The following NKAIN3 variants were observed in gnomAD, a reference collection of about 807,000 sequenced individuals.
NKAIN3 encodes sodium/potassium transporting ATPase interacting 3, also known as sodium/potassium-transporting ATPase subunit beta-1-interacting protein 3.
NKAIN3 carries 25 observed loss-of-function variants against 30.2 expected under a neutral mutation model. That is an observed-to-expected ratio of 0.83 (90% CI 0.60 to 1.16). The LOEUF (loss-of-function observed/expected upper bound fraction) is 1.16, where lower values mean the gene tolerates loss of function less well. Among genes scored for constraint, NKAIN3 ranks in the 50% most tolerant of loss-of-function variants. NKAIN3 has a pLI of 0.00. For missense variants in NKAIN3, 225 were observed against 254.1 expected, an observed-to-expected ratio of 0.89 and a Z score of 0.78; for synonymous variants, 91 against 89.6, an observed-to-expected ratio of 1.02 and a Z score of -0.09.
chr8:62,808,172 G>A (rs1818365906), intron 4 of NKAIN3, among the ~76,000 whole-genome samples: 1 of 152,076 alleles, frequency 6.6e-6, no homozygotes, highest in African/African-American at 2.4e-5. Flanking sequence ...TTACTTTGAT[G>A]TGTCCACGTG....
At chr8:62,366,382 G>A (rs1201777751) in intron 1 of NKAIN3, among the ~76,000 whole-genome samples, 2 of 151,804 alleles carry the variant, frequency 1.3e-5, no homozygotes, top group African/African-American at 4.8e-5. Context: ...ATGCACCACT[G>A]TAGTTGATTA....
chr8:62,579,589 G>A lies in NKAIN3; in HGVS notation c.105G>A (p.Ala35=), dbSNP rs372067746. 6.1e-5 allele frequency: 98 copies of A among 1,610,256 alleles called. 1 individual carries two copies. The highest frequency in any genetic ancestry group is 1.6e-4 in the African/African-American group (12 of 74,732). ...QIFDFLGFQW[A]PILGNFLHII... ...TTGACTTCCTTGGTTTCCAGTGGGC[G>A]CCTATTCTTGGAAATTTTCTACACA... The change falls in exon 2 of 7, where the codon GCG becomes GCA. Residue 35 remains alanine (A), a synonymous_variant. Transcript: ENST00000623646.
At chr8:62,605,245 G>A (rs1811089000) in intron 3 of NKAIN3, among the ~76,000 whole-genome samples, 1 of 152,068 alleles carries the variant, frequency 6.6e-6, no homozygotes, top group Admixed American at 6.6e-5. Flanking sequence ...AGGTTCTAAT[G>A]TGACCTTGAG....
At chr8:62,595,256 C>A (rs1226981517) in intron 3 of NKAIN3, among the ~76,000 whole-genome samples, 1 of 151,806 alleles carries the variant, frequency 6.6e-6, no homozygotes, top group Non-Finnish European at 1.5e-5. Context: ...ATGTTAAACG[C>A]TTCTGATACA....
intron 1 of NKAIN3, among the ~76,000 whole-genome samples, chr8:62,303,192 C>A (rs1260608602): frequency 6.7e-6 from 1 of 150,346 alleles, no homozygotes; most frequent in Non-Finnish European, 1.5e-5. Flanking sequence ...GAATTGGTGA[C>A]AATTAAAATG....
At chr8:62,347,142 G>T (rs1254589362) in intron 1 of NKAIN3, among the ~76,000 whole-genome samples, 1 of 152,116 alleles carries the variant, frequency 6.6e-6, no homozygotes, top group African/African-American at 2.4e-5. Flanking sequence ...TAATGTGAAG[G>T]CATCTACTGT....
At chr8:62,802,333 T>G (rs1215462807) in intron 4 of NKAIN3, among the ~76,000 whole-genome samples, 1 of 152,022 alleles carries the variant, frequency 6.6e-6, no homozygotes, top group Admixed American at 6.6e-5. Flanking sequence ...TCACCAAAGT[T>G]GAAATGAAGG....
At chr8:62,625,291 G>A (rs1441253872) in intron 3 of NKAIN3, among the ~76,000 whole-genome samples, 3 of 152,080 alleles carry the variant, frequency 2.0e-5, no homozygotes, top group African/African-American at 7.2e-5. Flanking sequence ...TATCATAAGT[G>A]CTGTCTCATT....
intron 1 of NKAIN3, among the ~76,000 whole-genome samples, chr8:62,359,316 A>G (rs1816470181): frequency 6.6e-6 from 1 of 152,182 alleles, no homozygotes; most frequent in Non-Finnish European, 1.5e-5. Context: ...TGGTTTAGAA[A>G]CCATTGAGAC....
At chr8:62,555,752 A>AT (rs1439981547) in intron 1 of NKAIN3, among the ~76,000 whole-genome samples, 7 of 152,082 alleles carry the variant, frequency 4.6e-5, no homozygotes, top group African/African-American at 1.4e-4. Flanking sequence ...AGAAAGATAC[A>AT]TTTTTTAAAA....
At chr8:62,902,214 G>A (rs1172879213) in intron 4 of NKAIN3, among the ~76,000 whole-genome samples, 2 of 152,174 alleles carry the variant, frequency 1.3e-5, no homozygotes, top group African/African-American at 4.8e-5. Context: ...TATGCTTCCT[G>A]AAATACTGAG....
At chr8:62,423,147 A>G (rs1804697027) in intron 1 of NKAIN3, among the ~76,000 whole-genome samples, 1 of 152,086 alleles carries the variant, frequency 6.6e-6, no homozygotes, top group South Asian at 2.1e-4. Flanking sequence ...CTGGCCAGAA[A>G]AAGTCACACC....
At chr8:62,339,533 A>G (rs1332883940) in intron 1 of NKAIN3, among the ~76,000 whole-genome samples, 1 of 152,046 alleles carries the variant, frequency 6.6e-6, no homozygotes, top group Non-Finnish European at 1.5e-5. Context: ...TGTAAGTTAA[A>G]TTGAACATAG....
chr8:62,343,017 T>C (rs1229334125), intron 1 of NKAIN3, among the ~76,000 whole-genome samples: 1 of 152,104 alleles, frequency 6.6e-6, no homozygotes, highest in African/African-American at 2.4e-5. Context: ...GGATATTATT[T>C]TGGATTTCTA....
intron 1 of NKAIN3, among the ~76,000 whole-genome samples, chr8:62,566,906 A>G (rs1265748814): frequency 6.6e-6 from 1 of 152,116 alleles, no homozygotes; most frequent in East Asian, 1.9e-4. Flanking sequence ...AAAGAAAAGG[A>G]ACTTATTCAT....
chr8:62,853,498 G>A (rs1185719415), intron 4 of NKAIN3, among the ~76,000 whole-genome samples: 1 of 152,146 alleles, frequency 6.6e-6, no homozygotes, highest in Non-Finnish European at 1.5e-5. Flanking sequence ...GTGTACAAAG[G>A]TGTTTACAGT....
chr8:62,906,433 G>C lies in NKAIN3; in HGVS notation c.472-12020G>C, dbSNP rs556679172. On this transcript the variant is annotated intron_variant, in intron 4 of 6. Transcript: ENST00000623646. ...CTGTCTGCCTCCCATAGGCAGACTT[G>C]GTGAAGGATTTCAGAGAGTCATTTT... Among the ~76,000 whole-genome samples the C allele has an allele frequency of 2.0e-5, 3 of 152,294 alleles. No homozygotes were observed. In the East Asian group the frequency reaches 5.8e-4, roughly 29 times the overall value.
intron 4 of NKAIN3, among the ~76,000 whole-genome samples, chr8:62,908,970 A>G (rs561852640): frequency 6.6e-6 from 1 of 152,296 alleles, no homozygotes; most frequent in East Asian, 1.9e-4. Flanking sequence ...AAGCCCAGCA[A>G]TCCTCTCATT....
intron 1 of NKAIN3, among the ~76,000 whole-genome samples, chr8:62,527,490 C>T (rs994619323): frequency 4.6e-5 from 7 of 152,034 alleles, no homozygotes; most frequent in Non-Finnish European, 8.8e-5. Flanking sequence ...TTTGAAACAG[C>T]AAGGTAACTT....
Sources: gnomAD v4.1 joint callset for allele counts (sites outside exome capture counted in the v4.1 genomes callset) on GRCh38, gnomAD v4.1.1 for gene constraint, MANE v1.5 for transcripts, NCBI Gene and HGNC (gene_info 2026-07-23, HGNC 2026-07-21) for gene names.